Variants in AGL observed in about 807,000 individuals in gnomAD.
AGL encodes the protein amylo-alpha-1,6-glucosidase and 4-alpha-glucanotransferase, also known as glycogen debranching enzyme.
Under a neutral mutation model 199.3 loss-of-function variants are expected in AGL, and 128 were observed. The observed-to-expected ratio is 0.64, with a 90% CI of 0.56 to 0.74. The LOEUF is 0.74. AGL is among the 30% of genes least tolerant of loss of function. AGL has a pLI of 0.00. For synonymous variants in AGL, 584 were observed against 594.7 expected (o/e 0.98, Z 0.26); for missense variants, 1,809 against 1,820.8 (o/e 0.99, Z 0.12).
chr1:99,866,751 C>G (rs898260186), intron 5 of AGL, among the ~76,000 whole-genome samples: 2 of 152,130 alleles, frequency 1.3e-5, no homozygotes, highest in African/African-American at 4.8e-5. Flanking sequence ...CACAGCCTTA[C>G]TTGAAAAGTG....
At chr1:99,910,456 C>A (rs542677673) in intron 27 of AGL, among the ~76,000 whole-genome samples, 1 of 152,174 alleles carries the variant, frequency 6.6e-6, no homozygotes, top group Non-Finnish European at 1.5e-5. Flanking sequence ...TATCCTTGTA[C>A]ACATCTCCAT....
chr1:99,867,429 G>A (rs12756830), intron 5 of AGL, among the ~76,000 whole-genome samples: 57,728 of 152,022 alleles, frequency 0.38, 12,003 homozygotes, highest in East Asian at 0.49. Context: ...GTGGCCAAGA[G>A]GGAGACATTC....
chr1:99,881,549 G>T lies in AGL; in HGVS notation c.2166G>T (p.Val722=). The T allele has an allele frequency of 6.2e-7, 1 of 1,613,908 alleles. No homozygotes were observed. The highest frequency in any genetic ancestry group is 8.5e-7 in the Non-Finnish European group (1 of 1,179,930). Residue 722 remains valine (V), a synonymous_variant, in exon 17 of 34, where the codon GTG becomes GTT. Coordinates refer to ENST00000361915, the MANE Select transcript of AGL (RefSeq NM_000642.3). The stretch of plus-strand genomic sequence containing the variant: ...TTCTTTCTGCTTCTCAGGTGTATGT[G>T]GATCAAGTTGATGAAGACATAGTGG... The part of the protein sequence containing the change: ...LGAKGFIQVY[V]DQVDEDIVAV...
chr1:99,857,402 G>A (rs1417093213), intron 2 of AGL, among the ~76,000 whole-genome samples: 2 of 152,026 alleles, frequency 1.3e-5, no homozygotes, highest in East Asian at 1.9e-4. Context: ...TCACTTCCCA[G>A]ACGGGGTGGC....
intron 12 of AGL, among the ~76,000 whole-genome samples, chr1:99,878,565 C>A (rs1651760390): frequency 6.6e-6 from 1 of 151,946 alleles, no homozygotes; most frequent in South Asian, 2.1e-4. Context: ...TAATTAAACT[C>A]ATAATTTTCA....
chr1:99,915,900 A>C (rs1655080813), intron 31 of AGL, among the ~76,000 whole-genome samples: 2 of 152,220 alleles, frequency 1.3e-5, no homozygotes, highest in African/African-American at 4.8e-5. Context: ...TCCATGTATT[A>C]CAATAAAGCA....
chr1:99,854,578 T>C (rs1219344795), intron 2 of AGL, among the ~76,000 whole-genome samples: 5 of 150,612 alleles, frequency 3.3e-5, no homozygotes, highest in Non-Finnish European at 5.9e-5. Context: ...CTGGCTAACA[T>C]AGTGAAACCC....
rs1479978264 is a variant in AGL at position 99,870,782 on chromosome 1, G to T, written c.871G>T (p.Asp291Tyr). The T allele has an allele frequency of 1.9e-6, 3 of 1,608,988 alleles. No individual in the cohort carries two copies. The highest frequency in any genetic ancestry group is 2.2e-5 in the East Asian group (1 of 44,716). ...MNSIRKIIWE[D>Y]IFPKLKLWEF... ...GTCCATCCGAAAAATAATTTGGGAG[G>T]ATATTTTTCCAAAGCTTAAACTCTG... is the stretch of plus-strand genomic sequence containing the variant. The change falls in exon 7 of 34, where the codon GAT (aspartate) becomes TAT (tyrosine). Residue 291 changes from aspartate to tyrosine, a missense_variant. Coordinates refer to ENST00000361915, the MANE Select transcript of AGL (RefSeq NM_000642.3).
chr1:99,891,786 T>G, intron 23 of AGL, 47 bp downstream of exon 23: 1 of 1,606,634 alleles, frequency 6.2e-7, no homozygotes. Flanking sequence ...GTGTTGAAAC[T>G]ATATACAGAG....
chr1:99,849,262 T>A (rs1464614797), upstream of AGL, among the ~76,000 whole-genome samples: 4 of 151,928 alleles, frequency 2.6e-5, no homozygotes, highest in Non-Finnish European at 4.4e-5. Flanking sequence ...TTTTTTTTTT[T>A]AACTTATATC....
Position 99,913,578 on chromosome 1 carries a change from A to C in AGL, c.4001A>C (p.Asn1334Thr). Residue 1334 changes from asparagine (N) to threonine (T), a missense_variant, in exon 30 of 34, where the codon AAC (asparagine) becomes ACC (threonine). Coordinates refer to ENST00000361915, the MANE Select transcript of AGL (RefSeq NM_000642.3). Reference sequence around the variant, plus strand: ...GAGTGGAACAGAAAAATACAAGACAACTTTGAAAAGCTATTTCATGTTTCC... The same window carrying C: ...GAGTGGAACAGAAAAATACAAGACACCTTTGAAAAGCTATTTCATGTTTCC... The part of the protein sequence containing the change: ...YDEWNRKIQD[N>T]FEKLFHVSED... 1 of 1,614,062 alleles carries C rather than the reference A, an allele frequency of 6.2e-7. No homozygotes were observed.
At chr1:99,869,250 C>T (rs1478485832) in intron 5 of AGL, among the ~76,000 whole-genome samples, 2 of 152,116 alleles carry the variant, frequency 1.3e-5, no homozygotes, top group Non-Finnish European at 2.9e-5. Context: ...CTACTTAATG[C>T]AAGTTTTGAG....
Position 99,912,579 on chromosome 1 carries a change from G to A in AGL, c.3949+62G>A, listed in dbSNP as rs79794510. Reference sequence around the variant, plus strand: ...TGTACTATGTATATTCTCAACCTATGTAATCATCATTTGATTCTATCAGCT... The same window carrying A: ...TGTACTATGTATATTCTCAACCTATATAATCATCATTTGATTCTATCAGCT... On this transcript the variant is annotated intron_variant, in intron 29 of 33. Transcript: ENST00000361915. The A allele has an allele frequency of 1.6e-3, 1,949 of 1,189,680 alleles. 25 individuals are homozygous for A. The African/African-American group carries it at 0.026, about 16-fold the overall frequency. The allele number at this position is 1,189,680 out of a possible 1,614,324, so 73.7% of individuals were successfully genotyped here. A position where few individuals can be genotyped will look rare whatever the true frequency, so the allele number is the denominator to read the frequency against.
intron 5 of AGL, among the ~76,000 whole-genome samples, chr1:99,865,027 ACT>A (rs1168704740): frequency 5.3e-5 from 8 of 152,200 alleles, no homozygotes; most frequent in African/African-American, 1.7e-4. Flanking sequence ...AACATGACAA[ACT>A]CTCATGCCAT....
At chr1:99,850,786 T>G (rs998227893) in intron 1 of AGL, 189 bp from the exon 2 acceptor site, 1 of 485,416 alleles carries the variant, frequency 2.1e-6, no homozygotes, top group East Asian at 3.9e-5. Context: ...TTCGGTCTTA[T>G]TCGTTGTGCT....
chr1:99,869,844 G>A (rs1032847690), intron 5 of AGL, among the ~76,000 whole-genome samples: 11 of 152,124 alleles, frequency 7.2e-5, no homozygotes, highest in Non-Finnish European at 1.3e-4. Flanking sequence ...TAAATAGGTA[G>A]ATATAAGGTT....
intron 20 of AGL, among the ~76,000 whole-genome samples, chr1:99,885,396 T>C (rs1351334254): frequency 6.6e-6 from 1 of 152,190 alleles, no homozygotes; most frequent in Non-Finnish European, 1.5e-5. Context: ...TAAATGCTCA[T>C]AGTTTGCCAT....
rs766234642 is a variant in AGL, at chr1:99,864,440, G to C, written c.515G>C (p.Cys172Ser). 12 of 1,613,782 alleles carry C rather than the reference G, an allele frequency of 7.4e-6. No individual in the cohort carries two copies. In the East Asian group the frequency reaches 2.7e-4, roughly 36 times the overall value. ...CAGACTCTTGGACTATCTAGGTCATGCTACTCCCTTGCCAATCAGTTAGAA... is the reference window on the plus strand; with the variant it reads ...CAGACTCTTGGACTATCTAGGTCATCCTACTCCCTTGCCAATCAGTTAGAA... The part of the protein sequence containing the change: ...PLQTLGLSRS[C>S]YSLANQLELN... The change falls in exon 5 of 34, where the codon TGC (cysteine) becomes TCC (serine). Residue 172 changes from cysteine to serine, a missense_variant. Physicochemically the swap from Cys to Ser is moderately radical, Grantham distance 112 (BLOSUM62 -1). Coordinates refer to ENST00000361915, the MANE Select transcript of AGL (RefSeq NM_000642.3).
rs201533636 is a variant in AGL at position 99,913,653 on chromosome 1, G to A, written c.4076G>A (p.Arg1359His). The change falls in exon 30 of 34, where the codon CGT becomes CAT. Residue 1359 changes from arginine (R) to histidine (H), a missense_variant. Coordinates refer to ENST00000361915, the MANE Select transcript of AGL (RefSeq NM_000642.3). ...AAGCATCCAAATCTGGTTCACAAACGTGGCATATACAAAGATAGTTATGGA... is the reference window on the plus strand; with the variant it reads ...AAGCATCCAAATCTGGTTCACAAACATGGCATATACAAAGATAGTTATGGA... Reference protein sequence around the residue: ...NEKHPNLVHKRGIYKDSYGAS... With the variant: ...NEKHPNLVHKHGIYKDSYGAS... 2.3e-4 allele frequency: 379 copies of A among 1,613,946 alleles called. No homozygotes were observed. The highest frequency in any genetic ancestry group is 2.9e-4 in the Non-Finnish European group (339 of 1,179,994).
Sources: allele counts gnomAD v4.1 joint callset (sites outside exome capture counted in the v4.1 genomes callset), GRCh38; gene constraint gnomAD v4.1.1; transcripts MANE v1.5; gene names NCBI Gene and HGNC (gene_info 2026-07-23, HGNC 2026-07-21).